Variants in MALT1 observed in about 807,000 individuals in gnomAD.
MALT1 encodes the protein MALT1 paracaspase, also known as mucosa-associated lymphoid tissue lymphoma translocation protein 1.
Under a neutral mutation model 85.5 loss-of-function variants are expected in MALT1, and 36 were observed. The ratio of observed to expected loss-of-function variants is 0.42; its 90% CI spans 0.32 to 0.56. MALT1 has a LOEUF of 0.56. MALT1 is among the 20% of genes least tolerant of loss of function. MALT1 has a pLI of 0.10. For synonymous variants in MALT1, 359 were observed against 361.3 expected, an observed-to-expected ratio of 0.99 and a Z score of 0.07; for missense variants, 716 against 981.6, an observed-to-expected ratio of 0.73 and a Z score of 3.62.
intron 10 of MALT1, among the ~76,000 whole-genome samples, chr18:58,733,162 C>T (rs1327587715): frequency 1.3e-5 from 2 of 152,132 alleles, no homozygotes; most frequent in Admixed American, 6.5e-5. Flanking sequence ...CTGCCTGCCT[C>T]GGCCTCCCAA....
At chr18:58,743,269 T>C (rs2055326078) in intron 14 of MALT1, among the ~76,000 whole-genome samples, 1 of 152,016 alleles carries the variant, frequency 6.6e-6, no homozygotes, top group Non-Finnish European at 1.5e-5. Context: ...CCAGCTACTC[T>C]GGAGGCTGAG....
In MALT1 at chr18:58,750,515, G is replaced by A. The variant is rs916546581; in HGVS notation, c.*2673G>A. 1 of 152,232 alleles carries A rather than the reference G, an allele frequency of 6.6e-6. No homozygotes were observed. Among genetic ancestry groups the A allele is most frequent in the Non-Finnish European group, 1.5e-5 (1 of 68,048 alleles). The allele number at this position is 152,232 out of a possible 1,614,324, so 9.4% of individuals were successfully genotyped here. A position where few individuals can be genotyped will look rare whatever the true frequency, so the allele number is the denominator to read the frequency against. On this transcript the variant is annotated 3_prime_UTR_variant, in exon 17 of 17. Coordinates refer to ENST00000649217, the MANE Select transcript of MALT1 (RefSeq NM_006785.4). ...AGTGCTACCAAGCTACAATAAGACA[G>A]TGTAGGCATATGGATAGACATATCG...
intron 2 of MALT1, chr18:58,691,242 G>T: frequency 5.3e-6 from 2 of 374,022 alleles, no homozygotes; most frequent in South Asian, 4.4e-5. Flanking sequence ...ATTCTGGGAG[G>T]GCTATCCTTA....
chr18:58,740,279 A>T (rs571902692), intron 13 of MALT1, among the ~76,000 whole-genome samples: 151 of 152,274 alleles, frequency 9.9e-4, no homozygotes, highest in Non-Finnish European at 1.8e-3. Context: ...TTGAAGAACC[A>T]ATCTTTGACT....
chr18:58,717,837 T>C (rs1489654751), intron 9 of MALT1, among the ~76,000 whole-genome samples: 1 of 151,658 alleles, frequency 6.6e-6, no homozygotes. Context: ...TTTCTTTAGA[T>C]CCTCCAGACA....
chr18:58,752,681 T>C lies in MALT1; in HGVS notation c.*4839T>C, dbSNP rs561260534. The C allele has an allele frequency of 2.7e-5, 4 of 150,076 alleles. No individual in the cohort carries two copies. The highest frequency in any genetic ancestry group is 9.8e-5 in the African/African-American group (4 of 40,766). The allele number at this position is 150,076 out of a possible 1,614,324, so 9.3% of individuals were successfully genotyped here. On this transcript the variant is annotated 3_prime_UTR_variant, in exon 17 of 17. Coordinates refer to ENST00000649217, the MANE Select transcript of MALT1 (RefSeq NM_006785.4). ...TGGGCATAGTTGCACACACCTGTAGTCCCAGCTACTCAGGAGGCTGAAGTG... is the reference window on the plus strand; with the variant it reads ...TGGGCATAGTTGCACACACCTGTAGCCCCAGCTACTCAGGAGGCTGAAGTG...
chr18:58,726,099 G>A (rs1229192745), intron 10 of MALT1, among the ~76,000 whole-genome samples: 1 of 152,134 alleles, frequency 6.6e-6, no homozygotes, highest in Non-Finnish European at 1.5e-5. Flanking sequence ...CCCCTGTGAA[G>A]TAGAGAACCA....
Position 58,737,280 on chromosome 18 carries a change from G to C in MALT1, c.1603+1951G>C, listed in dbSNP as rs539631980. Among the ~76,000 whole-genome samples, 9 of 152,178 alleles carry C rather than the reference G, an allele frequency of 5.9e-5. No homozygotes were observed. The South Asian group carries it at 1.0e-3, about 18-fold the overall frequency. ...GAATCACTTGAACACAGAAGTTTGA[G>C]ACCAACCTAGGCAACATTGTCAGAC... On this transcript the variant is annotated intron_variant, in intron 13 of 16. Transcript: ENST00000649217.
chr18:58,730,235 T>A (rs1024379060), intron 10 of MALT1, among the ~76,000 whole-genome samples: 1 of 152,224 alleles, frequency 6.6e-6, no homozygotes, highest in Non-Finnish European at 1.5e-5. Context: ...AAAGTGGGCA[T>A]CAGTCACCAC....
rs998750947 is a variant in MALT1, at chr18:58,752,335, A to T, written c.*4493A>T. On this transcript the variant is annotated 3_prime_UTR_variant, in exon 17 of 17. Coordinates refer to ENST00000649217, the MANE Select transcript of MALT1 (RefSeq NM_006785.4). ...TTTTTTCCAAACAGACGTCCTGACA[A>T]TGTTGTTTCCTATTCCTTGAACATT... The T allele has an allele frequency of 6.6e-6, 1 of 152,142 alleles. No homozygotes were observed. Among genetic ancestry groups the T allele is most frequent in the Admixed American group, 6.5e-5 (1 of 15,272 alleles). 9.4% of individuals were successfully genotyped at this position (152,142 alleles called of 1,614,324 possible). A position where few individuals can be genotyped will look rare whatever the true frequency, so the allele number is the denominator to read the frequency against.
At chr18:58,688,428 G>A (rs939777648) in intron 2 of MALT1, among the ~76,000 whole-genome samples, 4 of 148,474 alleles carry the variant, frequency 2.7e-5, no homozygotes, top group Non-Finnish European at 5.9e-5. Context: ...TGGCTCACAC[G>A]TGTAATCCCA....
intron 11 of MALT1, 77 bp from the exon 12 acceptor site, chr18:58,734,230 T>C (rs1240117579): frequency 1.7e-6 from 2 of 1,160,416 alleles, no homozygotes; most frequent in Non-Finnish European, 2.5e-6. Context: ...TTGTATTTTC[T>C]CATTATTTAT....
In MALT1 at chr18:58,719,317, C is replaced by A. The variant is rs371717146; in HGVS notation, c.1018+3350C>A. 3.8e-3 allele frequency among the ~76,000 whole-genome samples: 549 copies of A among 145,466 alleles called. 3 individuals are homozygous for A. The highest frequency in any genetic ancestry group is 0.014 in the African/African-American group (527 of 36,614). Reference sequence around the variant, plus strand: ...GTGAAGACTGAAAAAATCTCCCTCCCTCTCTCTCTCTCTTTCTCTTCCTCT... The same window carrying A: ...GTGAAGACTGAAAAAATCTCCCTCCATCTCTCTCTCTCTTTCTCTTCCTCT... On this transcript the variant is annotated intron_variant, in intron 9 of 16. Coordinates refer to ENST00000649217, the MANE Select transcript of MALT1 (RefSeq NM_006785.4).
chr18:58,710,079 AG>A lies in MALT1; in HGVS notation c.925+8del, dbSNP rs768536112. The A allele has an allele frequency of 6.4e-7, 1 of 1,564,714 alleles. No individual in the cohort carries two copies. The highest frequency in any genetic ancestry group is 8.8e-7 in the Non-Finnish European group (1 of 1,136,174). ...AAGGTAGAAATCATCATAGGTAAGA[AG>A]TATTTCCCCAGTGTTCTGACAAGTG... On this transcript the variant is annotated splice_region_variant and intron_variant, in intron 6 of 16. Transcript: ENST00000649217.
intron 9 of MALT1, among the ~76,000 whole-genome samples, 176 bp downstream of exon 9, chr18:58,716,143 C>A (rs2054896602): frequency 6.6e-6 from 1 of 152,164 alleles, no homozygotes; most frequent in South Asian, 2.1e-4. Flanking sequence ...AAAATGATTA[C>A]AAATTCAGTT....
chr18:58,734,168 T>C (rs2055192765), intron 11 of MALT1, 139 bp from the exon 12 acceptor site: 3 of 1,102,358 alleles, frequency 2.7e-6, no homozygotes, highest in Non-Finnish European at 3.8e-6. Context: ...TGTAGCTACC[T>C]AGATGAAAAA....
chr18:58,712,776 CAT>C (rs761987593), intron 7 of MALT1, among the ~76,000 whole-genome samples: 147 of 152,110 alleles, frequency 9.7e-4, no homozygotes, highest in Middle Eastern at 3.4e-3. Context: ...GTCAAAATAT[CAT>C]ATGTATCCCA....
At chr18:58,684,208 A>G (rs1263097057) in intron 2 of MALT1, among the ~76,000 whole-genome samples, 1 of 152,206 alleles carries the variant, frequency 6.6e-6, no homozygotes, top group Non-Finnish European at 1.5e-5. Context: ...TGCTGGGATT[A>G]CAGGCGGGAG....
intron 1 of MALT1, among the ~76,000 whole-genome samples, chr18:58,680,733 C>T (rs1413375588): frequency 7.2e-5 from 11 of 151,914 alleles, no homozygotes; most frequent in Non-Finnish European, 1.5e-4. Context: ...ACCATCCTGG[C>T]TAACAAGGTG....
Sources: allele counts gnomAD v4.1 joint callset (sites outside exome capture counted in the v4.1 genomes callset), GRCh38; gene constraint gnomAD v4.1.1; transcripts MANE v1.5; gene names NCBI Gene and HGNC (gene_info 2026-07-23, HGNC 2026-07-21).